Variants in MCF2L2 observed in about 807,000 individuals in gnomAD.
MCF2L2 encodes MCF.2 cell line derived transforming sequence-like 2.
MCF2L2 carries 102 observed loss-of-function variants against 150.2 expected under a neutral mutation model. The ratio of observed to expected loss-of-function variants is 0.68; its 90% CI spans 0.58 to 0.80. The LOEUF (loss-of-function observed/expected upper bound fraction) is 0.80. Ranked by LOEUF, MCF2L2 falls within the 30% of genes least tolerant of loss-of-function variation. The pLI is 0.00. For synonymous variants in MCF2L2, 465 were observed against 491.3 expected, an observed-to-expected ratio of 0.95 and a Z score of 0.71; for missense variants, 1,256 against 1,372.8, an observed-to-expected ratio of 0.91 and a Z score of 1.34.
At chr3:183,216,578 ATATTTTTTTTTTTTTTTTTTT>A (rs1722946547) in intron 21 of MCF2L2, among the ~76,000 whole-genome samples, 9 of 6,766 alleles carry the variant, frequency 1.3e-3, no homozygotes, top group African/African-American at 3.5e-3. Context: ...ATATATATAT[ATATTTTTTTTTTTTTTTTTTT>A]TTTTTTTTTT....
chr3:183,276,806 A>T, intron 15 of MCF2L2, 66 bp downstream of exon 15: 1 of 1,096,258 alleles, frequency 9.1e-7, no homozygotes, highest in Non-Finnish European at 1.4e-6. Flanking sequence ...GGTGTAAAAG[A>T]GAGGATCCTC....
chr3:183,396,955 C>T (rs1479837027), intron 1 of MCF2L2, among the ~76,000 whole-genome samples: 1 of 152,182 alleles, frequency 6.6e-6, no homozygotes, highest in Non-Finnish European at 1.5e-5. Context: ...CCCAGGGCCT[C>T]TAGAGAGTGG....
At chr3:183,189,474 G>A (rs1721803864) in intron 27 of MCF2L2, among the ~76,000 whole-genome samples, 1 of 152,172 alleles carries the variant, frequency 6.6e-6, no homozygotes, top group Admixed American at 6.5e-5. Flanking sequence ...TGAGGCTTCC[G>A]CATAGTCTTA....
intron 27 of MCF2L2, among the ~76,000 whole-genome samples, chr3:183,182,988 G>T (rs1416151662): frequency 1.3e-5 from 2 of 152,100 alleles, no homozygotes. Context: ...TCCAGTCCCA[G>T]CCCTGGGCTT....
At chr3:183,195,875 T>G (rs1722066509) in intron 25 of MCF2L2, among the ~76,000 whole-genome samples, 1 of 152,186 alleles carries the variant, frequency 6.6e-6, no homozygotes, top group Non-Finnish European at 1.5e-5. Context: ...TTTTCAAGGT[T>G]CCTGGGCCCA....
chr3:183,247,335 C>G (rs1183112817), intron 15 of MCF2L2, among the ~76,000 whole-genome samples: 1 of 152,238 alleles, frequency 6.6e-6, no homozygotes. Context: ...AGAAAAAGGG[C>G]TGGCTCATCC....
At chr3:183,310,532 G>A (rs1167490543) in intron 9 of MCF2L2, 1 of 275,530 alleles carries the variant, frequency 3.6e-6, no homozygotes. Context: ...TGATGGTGGG[G>A]CATGCCTGTA....
At position 183,372,094 on chromosome 3, in the gene MCF2L2, G is replaced by A. The variant is rs1002841120; in HGVS notation, c.275+7203C>T. ...GCAGGTTTGTCTGATGCACTTCCCA[G>A]CTTCACTACCCTTTGGCTTAATGAT... is the stretch of plus-strand genomic sequence containing the variant. On this transcript the variant is annotated intron_variant, in intron 3 of 29. Transcript: ENST00000328913. 10 of 151,626 alleles carry A rather than the reference G, an allele frequency of 6.6e-5. No individual in the cohort carries two copies. The South Asian group carries it at 1.0e-3, about 16-fold the overall frequency. The allele number at this position is 151,626 out of a possible 1,614,324, so 9.4% of individuals were successfully genotyped here.
intron 5 of MCF2L2, among the ~76,000 whole-genome samples, chr3:183,337,700 C>T (rs1730543092): frequency 6.6e-6 from 1 of 152,172 alleles, no homozygotes; most frequent in East Asian, 1.9e-4. Flanking sequence ...TCAAGCATTA[C>T]GTTATTCTCA....
chr3:183,295,368 G>A lies in MCF2L2; in HGVS notation c.1607C>T (p.Pro536Leu). Residue 536 changes from proline (P) to leucine (L), a missense_variant, in exon 13 of 30, where the codon CCT (proline) becomes CTT (leucine). Transcript: ENST00000328913. Reference sequence around the variant, plus strand: ...TGAAGACTCAGGATGTGGGGCCACAGGTTGCACTGGACGAGTCTGTTTGGC... The same window carrying A: ...TGAAGACTCAGGATGTGGGGCCACAAGTTGCACTGGACGAGTCTGTTTGGC... ...LAAKQTRPVQ[P>L]VAPHPESSPK... The A allele has an allele frequency of 6.2e-7, 1 of 1,613,932 alleles. No individual in the cohort carries two copies. Among genetic ancestry groups the A allele is most frequent in the Non-Finnish European group, 8.5e-7 (1 of 1,179,914 alleles).
At position 183,250,735 on chromosome 3, in the gene MCF2L2, G is replaced by A. The variant is rs550442015; in HGVS notation, c.1863-19718C>T. On this transcript the variant is annotated intron_variant, in intron 15 of 29. Coordinates refer to ENST00000328913, the MANE Select transcript of MCF2L2 (RefSeq NM_015078.4). ...GCCGGGGGGCAGAGAAAGAGGCGGC[G>A]GAGCCAAGGAGATAGGGCATCGTCT... Among the ~76,000 whole-genome samples, 17 of 152,274 alleles carry A rather than the reference G, an allele frequency of 1.1e-4. No homozygotes were observed. The South Asian group carries it at 1.7e-3, about 15-fold the overall frequency.
intron 11 of MCF2L2, chr3:183,297,671 T>TTCCTTCCTTCCTTCC (rs1728604219): frequency 1.8e-5 from 1 of 56,020 alleles, no homozygotes; most frequent in African/African-American, 9.1e-5. Context: ...TTCCTTCCTC[T>TTCCTTCCTTCCTTCC]TTCTTTCTCT....
intron 15 of MCF2L2, among the ~76,000 whole-genome samples, chr3:183,247,556 C>T (rs1259721694): frequency 1.3e-5 from 2 of 152,094 alleles, no homozygotes; most frequent in Non-Finnish European, 1.5e-5. Context: ...CCAAGTAACT[C>T]GGTAATCTTC....
intron 1 of MCF2L2, among the ~76,000 whole-genome samples, chr3:183,420,555 C>T (rs552781036): frequency 4.6e-5 from 7 of 152,068 alleles, no homozygotes; most frequent in South Asian, 2.1e-4. Flanking sequence ...GCTGAAATTG[C>T]GCCACTGCAC....
intron 15 of MCF2L2, among the ~76,000 whole-genome samples, chr3:183,251,188 C>G (rs78482944): frequency 0.025 from 3,880 of 152,304 alleles, 155 homozygotes; most frequent in African/African-American, 0.088. Context: ...CCTATAGGGC[C>G]TGTGAGGAAA....
chr3:183,216,622 C>G (rs551700130), intron 21 of MCF2L2, among the ~76,000 whole-genome samples: 1 of 98,808 alleles, frequency 1.0e-5, no homozygotes, highest in African/African-American at 4.5e-5. Flanking sequence ...TTTTTGAGAG[C>G]GAGAGAGAGT....
chr3:183,359,941 C>T (rs911449348), intron 3 of MCF2L2, among the ~76,000 whole-genome samples: 1 of 152,256 alleles, frequency 6.6e-6, no homozygotes, highest in Admixed American at 6.5e-5. Context: ...GAGTCCATCA[C>T]GAAGCTGGAA....
rs1381727854 is a variant in MCF2L2 at position 183,179,694 on chromosome 3, T to C, written c.3106-2A>G. On this transcript the variant is annotated splice_acceptor_variant, in intron 28 of 29. Transcript: ENST00000328913. LOFTEE classifies it high-confidence loss of function. This position sits in a 1 kb window ranked among gnomAD's most constrained non-coding sequence, Gnocchi z 4.2. ...GTCCGACTGGAAAAGGCCCGCGAGC[T>C]GGAAGGGAGGGGACGGGTGCACCCT... 6.2e-7 allele frequency: 1 copy of C among 1,612,938 alleles called. No individual in the cohort carries two copies. Among genetic ancestry groups the C allele is most frequent in the East Asian group, 2.2e-5 (1 of 44,874 alleles).
intron 1 of MCF2L2, chr3:183,400,621 G>A (rs535632739): frequency 2.2e-5 from 8 of 360,254 alleles, no homozygotes; most frequent in Non-Finnish European, 3.9e-5. Context: ...TTTCGTGGCC[G>A]AGAGTTGATC....
Sources: allele counts gnomAD v4.1 joint callset (sites outside exome capture counted in the v4.1 genomes callset), GRCh38; gene constraint gnomAD v4.1.1; non-coding constraint Gnocchi (gnomAD v3.1); transcripts MANE v1.5; gene names NCBI Gene and HGNC (gene_info 2026-07-23, HGNC 2026-07-21).